Variants in FAP observed in about 807,000 individuals in gnomAD.
The protein encoded by FAP is prolyl endopeptidase FAP.
In FAP, 110 loss-of-function variants were observed where a neutral mutation model predicts 126.5. The ratio of observed to expected loss-of-function variants is 0.87; its 90% confidence interval spans 0.74 to 1.02. The LOEUF (loss-of-function observed/expected upper bound fraction) is 1.02, where lower values mean the gene tolerates loss of function less well. Among genes scored for constraint, FAP ranks in the 50% least tolerant of loss-of-function variants. FAP has a pLI of 0.00. For synonymous variants in FAP, 334 were observed against 297.3 expected, an observed-to-expected ratio of 1.12 and a Z score of -1.27; for missense variants, 919 against 909.2, an observed-to-expected ratio of 1.01 and a Z score of -0.14.
At chr2:162,223,480 G>A (rs112860888) in intron 6 of FAP, 128 bp downstream of exon 6, 2 of 653,692 alleles carry the variant, frequency 3.1e-6, no homozygotes. Context: ...CATACATACT[G>A]TATTACTAAA....
chr2:162,218,029 C>T lies in FAP; in HGVS notation c.719G>A (p.Gly240Asp). 3 of 1,602,922 alleles carry T rather than the reference C, an allele frequency of 1.9e-6. No individual in the cohort carries two copies. The highest frequency in any genetic ancestry group is 2.6e-6 in the Non-Finnish European group (3 of 1,174,554). ...TATTGTTCTAGGATATTGTTCATCG[C>T]CATAATAGGAATAGGCAATAACTGG... ...DIPVIAYSYY[G>D]DEQYPRTINI... is the part of the protein sequence containing the mutation. The change falls in exon 9 of 26, where the codon GGC becomes GAC. Residue 240 changes from glycine to aspartate, a missense_variant. Coordinates refer to ENST00000188790, the MANE Select transcript of FAP (RefSeq NM_004460.5).
chr2:162,177,296 G>GCA (rs1301794949), intron 21 of FAP, among the ~76,000 whole-genome samples: 1 of 152,152 alleles, frequency 6.6e-6, no homozygotes, highest in African/African-American at 2.4e-5. Flanking sequence ...GAGGCATAAT[G>GCA]CACACTGGAA....
Position 162,209,785 on chromosome 2 carries a change from G to C in FAP, c.1047+167C>G, listed in dbSNP as rs1284234954. ...GAATTCTAAAAAGGACATTGAAATT[G>C]TCCGGCACAAAATCACTCAAGAGAT... On this transcript the variant is annotated intron_variant, in intron 12 of 25. Transcript: ENST00000188790. 13 of 581,708 alleles carry C rather than the reference G, an allele frequency of 2.2e-5. No individual in the cohort carries two copies. In the Middle Eastern group the frequency reaches 1.7e-3, roughly 77 times the overall value. 36.0% of individuals were successfully genotyped at this position (581,708 alleles called of 1,614,324 possible).
intron 21 of FAP, among the ~76,000 whole-genome samples, chr2:162,181,925 T>C (rs1687706805): frequency 6.6e-6 from 1 of 152,236 alleles, no homozygotes. Context: ...TACTAGTTCC[T>C]TCTGCTCAGA....
intron 12 of FAP, among the ~76,000 whole-genome samples, chr2:162,205,790 G>A (rs545660102): frequency 1.2e-4 from 18 of 152,302 alleles, no homozygotes; most frequent in Non-Finnish European, 1.9e-4. Context: ...TAGGATTAAG[G>A]TGTGAGCCAC....
At chr2:162,195,544 G>A (rs908652557) in intron 16 of FAP, among the ~76,000 whole-genome samples, 23 of 151,970 alleles carry the variant, frequency 1.5e-4, no homozygotes, top group Non-Finnish European at 1.2e-4. Context: ...GTTGGGGGGC[G>A]TGCTCAGCTG....
chr2:162,229,300 A>G (rs183943166), intron 2 of FAP, among the ~76,000 whole-genome samples: 11 of 152,132 alleles, frequency 7.2e-5, no homozygotes, highest in Non-Finnish European at 1.5e-4. Context: ...ACCTTTTAGC[A>G]TTATCGTAAC....
intron 21 of FAP, among the ~76,000 whole-genome samples, chr2:162,179,808 A>AT (rs1288686851): frequency 7.5e-5 from 10 of 133,968 alleles, no homozygotes; most frequent in African/African-American, 2.8e-4. Flanking sequence ...ATATATATAT[A>AT]TATATTTTTT....
At position 162,237,171 on chromosome 2, in the gene FAP, TTGAC is replaced by T. The variant is rs553022498; in HGVS notation, c.91+5733_91+5736del. ...GAAATAAAAAGAGACTGGTTAGTAT[TTGAC>T]TGTCTTATGAGATCGTTTTATTACA... On this transcript the variant is annotated intron_variant, in intron 2 of 25. Transcript: ENST00000188790. 4.5e-3 allele frequency among the ~76,000 whole-genome samples: 686 copies of T among 152,324 alleles called. 4 individuals carry two copies. The highest frequency in any genetic ancestry group is 0.015 in the African/African-American group (636 of 41,574).
chr2:162,208,901 T>C (rs1460790682), intron 12 of FAP, among the ~76,000 whole-genome samples: 1 of 151,792 alleles, frequency 6.6e-6, no homozygotes, highest in Non-Finnish European at 1.5e-5. Context: ...TTATTGTATA[T>C]AATAAATAAA....
chr2:162,188,045 T>G (rs564688592), intron 20 of FAP, 124 bp downstream of exon 20: 4 of 749,376 alleles, frequency 5.3e-6, no homozygotes, highest in African/African-American at 5.2e-5. Flanking sequence ...AGATTAGTGA[T>G]AGTTTTAGAC....
intron 15 of FAP, among the ~76,000 whole-genome samples, chr2:162,199,379 C>A (rs747787873): frequency 6.6e-6 from 1 of 152,172 alleles, no homozygotes. Flanking sequence ...GTGCCTTCTG[C>A]GCCTTCATTC....
At position 162,173,129 on chromosome 2, in the gene FAP, G is replaced by A; in HGVS notation, c.2107+20C>T. The A allele has an allele frequency of 1.3e-6, 2 of 1,598,758 alleles. No homozygotes were observed. Among genetic ancestry groups the A allele is most frequent in the Non-Finnish European group, 1.7e-6 (2 of 1,166,210 alleles). On this transcript the variant is annotated intron_variant, in intron 24 of 25. Coordinates refer to ENST00000188790, the MANE Select transcript of FAP (RefSeq NM_004460.5). ...GCTGGCTCAGTATTTTTATGTGTAA[G>A]AGTCTTGCTTAAACCTCACCATCTG...
At chr2:162,191,027 T>C (rs1688022350) in intron 17 of FAP, among the ~76,000 whole-genome samples, 2 of 152,196 alleles carry the variant, frequency 1.3e-5, no homozygotes, top group East Asian at 3.9e-4. Context: ...AAAAGTAAAA[T>C]GAATACACAA....
chr2:162,206,333 G>T (rs1185105219), intron 12 of FAP, among the ~76,000 whole-genome samples: 2 of 152,162 alleles, frequency 1.3e-5, no homozygotes, highest in Non-Finnish European at 2.9e-5. Context: ...ATTATGCTTA[G>T]ATTTTCTGAT....
chr2:162,193,289 A>G (rs183267770), intron 17 of FAP, among the ~76,000 whole-genome samples: 76 of 152,338 alleles, frequency 5.0e-4, no homozygotes, highest in South Asian at 4.8e-3. Flanking sequence ...CCGTATTTAT[A>G]ATGAACATAG....
Position 162,224,462 on chromosome 2 carries a change from A to G in FAP, c.360+4T>C. The G allele has an allele frequency of 1.9e-6, 3 of 1,555,774 alleles. No homozygotes were observed. Among genetic ancestry groups the G allele is most frequent in the Non-Finnish European group, 1.8e-6 (2 of 1,141,066 alleles). On this transcript the variant is annotated splice_donor_region_variant and intron_variant, in intron 5 of 25. Coordinates refer to ENST00000188790, the MANE Select transcript of FAP (RefSeq NM_004460.5). ...TGGATATAACCAAATTAAATAGTTG[A>G]TACCTTTGAATAATCACTTTCTAGA...
At chr2:162,189,032 T>C (rs2106227660) in intron 19 of FAP, 71 bp downstream of exon 19, 1 of 989,942 alleles carries the variant, frequency 1.0e-6, no homozygotes, top group Admixed American at 2.0e-5. Flanking sequence ...GTTCATTCTA[T>C]TTCATAAATG....
chr2:162,200,552 T>A lies in FAP; in HGVS notation c.1277+14A>T. 7.0e-7 allele frequency: 1 copy of A among 1,428,478 alleles called. No individual in the cohort carries two copies. Among genetic ancestry groups the A allele is most frequent in the Non-Finnish European group, 9.7e-7 (1 of 1,026,950 alleles). 88.5% of individuals were successfully genotyped at this position (1,428,478 alleles called of 1,614,324 possible). On this transcript the variant is annotated intron_variant, in intron 15 of 25. Coordinates refer to ENST00000188790, the MANE Select transcript of FAP (RefSeq NM_004460.5). Reference sequence around the variant, plus strand: ...CAACACATAGAAATACCAGAATGAATGGACATAAATTACCTGTAGATGTTT... The same window carrying A: ...CAACACATAGAAATACCAGAATGAAAGGACATAAATTACCTGTAGATGTTT...
Sources: allele counts gnomAD v4.1 joint callset (sites outside exome capture counted in the v4.1 genomes callset), GRCh38; gene constraint gnomAD v4.1.1; transcripts MANE v1.5; gene names NCBI Gene and HGNC (gene_info 2026-07-23, HGNC 2026-07-21).